Variants in GLIS3 observed in about 807,000 individuals in gnomAD.
The protein encoded by GLIS3 is zinc finger protein GLIS3.
GLIS3 carries 53 observed loss-of-function variants against 78.6 expected under a neutral mutation model. The observed-to-expected ratio is 0.67, with a 90% confidence interval of 0.54 to 0.85. The LOEUF (loss-of-function observed/expected upper bound fraction) is 0.85. Among genes scored for constraint, GLIS3 ranks in the 40% least tolerant of loss-of-function variants. GLIS3 has a pLI of 0.00. For missense variants in GLIS3, 1,703 were observed against 1,231.1 expected (o/e 1.38, Z -5.74); for synonymous variants, 684 against 509.9 (o/e 1.34, Z -4.60).
chr9:4,284,448 G>C (rs989507669), intron 2 of GLIS3, among the ~76,000 whole-genome samples: 6 of 152,114 alleles, frequency 3.9e-5, no homozygotes, highest in African/African-American at 1.4e-4. Flanking sequence ...TTTAACAGGA[G>C]GGAACTTAAC....
chr9:3,835,994 A>G (rs892886627), intron 9 of GLIS3, among the ~76,000 whole-genome samples: 13 of 152,226 alleles, frequency 8.5e-5, no homozygotes, highest in African/African-American at 2.9e-4. Flanking sequence ...AATTTTCTTT[A>G]CGGGATACAT....
intron 2 of GLIS3, among the ~76,000 whole-genome samples, chr9:4,252,787 G>C (rs1824522648): frequency 6.6e-6 from 1 of 152,114 alleles, no homozygotes; most frequent in African/African-American, 2.4e-5. Context: ...CCTTTGCGTG[G>C]GGTTTTTGTG....
rs768078379 is a variant in GLIS3 at position 3,856,030 on chromosome 9, G to A, written c.2452C>T (p.Pro818Ser). 2 of 1,614,032 alleles carry A rather than the reference G, an allele frequency of 1.2e-6. No individual in the cohort carries two copies. The highest frequency in any genetic ancestry group is 1.7e-6 in the Non-Finnish European group (2 of 1,179,998). The change falls in exon 9 of 11, where the codon CCA becomes TCA. Residue 818 changes from proline to serine, a missense_variant. Transcript: ENST00000381971. ...YQPETNSSFQ[P>S]NGIHVHGFYG... The stretch of plus-strand genomic sequence containing the variant: ...TTACCATGGACATGGATACCATTTG[G>A]TTGAAAAGAAGAGTTTGTTTCTGGC...
At chr9:4,155,630 G>A (rs1215517762) in intron 2 of GLIS3, among the ~76,000 whole-genome samples, 1 of 152,140 alleles carries the variant, frequency 6.6e-6, no homozygotes, top group Non-Finnish European at 1.5e-5. Flanking sequence ...CTGAATTTCA[G>A]AGAGTCCGAG....
chr9:4,241,345 G>C (rs962501956), intron 2 of GLIS3, among the ~76,000 whole-genome samples: 1 of 152,172 alleles, frequency 6.6e-6, no homozygotes, highest in South Asian at 2.1e-4. Context: ...GTTGATTAAT[G>C]AGTACAGATA....
intron 4 of GLIS3, among the ~76,000 whole-genome samples, chr9:4,055,046 A>G (rs537887156): frequency 5.9e-5 from 9 of 151,996 alleles, no homozygotes; most frequent in Non-Finnish European, 8.8e-5. Context: ...TTAAAATTGT[A>G]TTTTCCTCTT....
intron 2 of GLIS3, among the ~76,000 whole-genome samples, chr9:4,333,391 G>T (rs966416487): frequency 2.0e-5 from 3 of 150,880 alleles, no homozygotes; most frequent in Non-Finnish European, 4.4e-5. Flanking sequence ...GGGAGAGAGG[G>T]AAAGAAAGAA....
chr9:3,898,860 A>G (rs750887891), intron 6 of GLIS3, 25 bp from the exon 7 acceptor site: 9 of 1,613,494 alleles, frequency 5.6e-6, no homozygotes, highest in Non-Finnish European at 6.8e-6. Context: ...CGGAAGAGAC[A>G]TCGATAAGGA....
chr9:4,357,628 A>T, the GLIS3 span, among the ~76,000 whole-genome samples: 1 of 151,728 alleles, frequency 6.6e-6, no homozygotes, highest in African/African-American at 2.4e-5. Context: ...TTTCTCTAGA[A>T]AACTCCTCAA....
the GLIS3 span, among the ~76,000 whole-genome samples, chr9:4,442,837 C>G: frequency 1.3e-5 from 2 of 152,054 alleles, no homozygotes; most frequent in Non-Finnish European, 2.9e-5. Flanking sequence ...CGCTTTCCCT[C>G]TCTATAGAAG....
intron 4 of GLIS3, among the ~76,000 whole-genome samples, chr9:3,991,683 A>ATTTTTTTTTT (rs59495657): frequency 2.3e-5 from 2 of 87,900 alleles, no homozygotes; most frequent in African/African-American, 1.1e-4. Context: ...AAGTAGGCTG[A>ATTTTTTTTTT]TTTTTTTTTT....
intron 2 of GLIS3, among the ~76,000 whole-genome samples, chr9:4,159,783 C>T (rs900200005): frequency 4.0e-5 from 6 of 151,790 alleles, no homozygotes; most frequent in Non-Finnish European, 8.8e-5. Context: ...GGGGGTTGGC[C>T]CACATAGTTC....
At chr9:4,220,875 C>T (rs1821272906) in intron 2 of GLIS3, among the ~76,000 whole-genome samples, 2 of 152,142 alleles carry the variant, frequency 1.3e-5, no homozygotes, top group South Asian at 4.1e-4. Flanking sequence ...ATCCCAGCTA[C>T]TCAGGAGGCT....
intron 2 of GLIS3, among the ~76,000 whole-genome samples, chr9:4,272,838 A>G (rs1474129271): frequency 6.6e-6 from 1 of 152,220 alleles, no homozygotes; most frequent in African/African-American, 2.4e-5. Context: ...GTGATCTGAC[A>G]TTCTGGTTCA....
At chr9:4,107,207 T>C (rs566548031) in intron 4 of GLIS3, among the ~76,000 whole-genome samples, 18 of 152,270 alleles carry the variant, frequency 1.2e-4, no homozygotes, top group Admixed American at 1.0e-3. Flanking sequence ...CTGAGGTAAG[T>C]CAGAGAAGAA....
chr9:4,041,459 A>G (rs1225349367), intron 4 of GLIS3, among the ~76,000 whole-genome samples: 1 of 152,156 alleles, frequency 6.6e-6, no homozygotes. Flanking sequence ...CTTGGTGGAA[A>G]AAAGCTTGGG....
At chr9:4,088,245 C>T (rs115696798) in intron 4 of GLIS3, among the ~76,000 whole-genome samples, 3,157 of 152,276 alleles carry the variant, frequency 0.021, 86 homozygotes, top group African/African-American at 0.069. Context: ...TTTAATTTAC[C>T]GACCTGCCTC....
At chr9:4,348,273 G>A (rs1185195752) in exon 1 of GLIS3, 1 of 152,164 alleles carries the variant, frequency 6.6e-6, no homozygotes, top group Non-Finnish European at 1.5e-5. Flanking sequence ...CTAATATGGT[G>A]TCTTCACAAT....
intron 4 of GLIS3, among the ~76,000 whole-genome samples, chr9:4,038,270 G>C (rs1037225591): frequency 7.1e-6 from 1 of 140,574 alleles, no homozygotes; most frequent in Non-Finnish European, 1.5e-5. Context: ...TACTTCTTTT[G>C]AAGTGTGGTA....
Sources: allele counts gnomAD v4.1 joint callset (sites outside exome capture counted in the v4.1 genomes callset), GRCh38; gene constraint gnomAD v4.1.1; transcripts MANE v1.5; gene names NCBI Gene and HGNC (gene_info 2026-07-23, HGNC 2026-07-21).